MARCHF1: variants seen among roughly 807,000 people sequenced by gnomAD.
The protein encoded by MARCHF1 is membrane associated ring-CH-type finger 1, also known as E3 ubiquitin-protein ligase MARCHF1.
In MARCHF1, 40 loss-of-function variants were observed where a neutral mutation model predicts 54.2. The observed-to-expected ratio is 0.74, with a 90% CI of 0.57 to 0.96. The LOEUF is 0.96. MARCHF1 is among the 40% of genes least tolerant of loss of function. The pLI, the probability that MARCHF1 is intolerant of heterozygous loss-of-function variation, is 0.00. For synonymous variants in MARCHF1, 236 were observed against 236.3 expected, an observed-to-expected ratio of 1.00 and a Z score of 0.01; for missense variants, 586 against 656.5, an observed-to-expected ratio of 0.89 and a Z score of 1.17.
intron 1 of MARCHF1, among the ~76,000 whole-genome samples, chr4:164,260,584 G>A (rs1185937327): frequency 6.6e-6 from 1 of 152,064 alleles, no homozygotes; most frequent in African/African-American, 2.4e-5. Context: ...ACACACAGCT[G>A]AAGTCAGAAA....
intron 1 of MARCHF1, among the ~76,000 whole-genome samples, chr4:164,382,195 T>C (rs753220844): frequency 6.6e-6 from 1 of 152,170 alleles, no homozygotes; most frequent in Non-Finnish European, 1.5e-5. Flanking sequence ...CATTGATTAT[T>C]CCAATAATTT....
At chr4:163,835,833 T>A (rs1212454317) in intron 4 of MARCHF1, among the ~76,000 whole-genome samples, 1 of 151,950 alleles carries the variant, frequency 6.6e-6, no homozygotes, top group Admixed American at 6.6e-5. Context: ...TATAACCAGT[T>A]TATGCAGAGA....
intron 3 of MARCHF1, among the ~76,000 whole-genome samples, chr4:163,948,268 T>A (rs188712107): frequency 6.6e-5 from 10 of 152,352 alleles, no homozygotes; most frequent in Admixed American, 5.9e-4. Flanking sequence ...CTAGACTTTT[T>A]TCATATTAAG....
intron 1 of MARCHF1, among the ~76,000 whole-genome samples, chr4:164,206,975 A>G (rs1731624312): frequency 6.6e-6 from 1 of 152,186 alleles, no homozygotes; most frequent in Non-Finnish European, 1.5e-5. Flanking sequence ...TTTACCATAA[A>G]TACTAAATAA....
At chr4:163,909,041 A>T (rs1560815054) in intron 3 of MARCHF1, among the ~76,000 whole-genome samples, 1 of 152,076 alleles carries the variant, frequency 6.6e-6, no homozygotes, top group Non-Finnish European at 1.5e-5. Flanking sequence ...ACACAACTTC[A>T]TTTTTTTAAC....
At chr4:163,969,324 G>A (rs562100485) in intron 3 of MARCHF1, among the ~76,000 whole-genome samples, 1 of 152,258 alleles carries the variant, frequency 6.6e-6, no homozygotes, top group African/African-American at 2.4e-5. Context: ...TATGTTCCCT[G>A]TGGCATTTTC....
chr4:163,872,957 T>G (rs1472616573), intron 3 of MARCHF1, among the ~76,000 whole-genome samples: 2 of 151,798 alleles, frequency 1.3e-5, no homozygotes, highest in Admixed American at 1.3e-4. Flanking sequence ...GGCAGGAGAA[T>G]GGCGTGAACC....
chr4:163,918,939 G>A (rs1296149745), intron 3 of MARCHF1, among the ~76,000 whole-genome samples: 10 of 152,048 alleles, frequency 6.6e-5, no homozygotes, highest in African/African-American at 2.2e-4. Flanking sequence ...TCCTCCTGTC[G>A]CCTGAATATA....
chr4:163,697,144 G>A (rs564612865), intron 5 of MARCHF1, among the ~76,000 whole-genome samples: 308 of 152,276 alleles, frequency 2.0e-3, no homozygotes, highest in African/African-American at 6.9e-3. Context: ...ATATGAAGAA[G>A]TGTTGCCACC....
At chr4:164,062,446 T>C (rs1754639025) in intron 2 of MARCHF1, among the ~76,000 whole-genome samples, 1 of 152,176 alleles carries the variant, frequency 6.6e-6, no homozygotes, top group South Asian at 2.1e-4. Flanking sequence ...AGGTTTTCAA[T>C]TGACTTTGTC....
chr4:164,002,736 A>G (rs1157084048), intron 2 of MARCHF1, among the ~76,000 whole-genome samples: 2 of 151,916 alleles, frequency 1.3e-5, no homozygotes, highest in Non-Finnish European at 2.9e-5. Context: ...CTTAAGAAAC[A>G]TAAAGAAAAT....
chr4:164,108,320 T>C (rs1755752737), intron 2 of MARCHF1, among the ~76,000 whole-genome samples: 1 of 152,206 alleles, frequency 6.6e-6, no homozygotes, highest in Non-Finnish European at 1.5e-5. Context: ...TTATTCTATC[T>C]GTAATAACGA....
chr4:163,996,042 C>T (rs74939395), intron 2 of MARCHF1, among the ~76,000 whole-genome samples: 3,579 of 151,858 alleles, frequency 0.024, 126 homozygotes, highest in East Asian at 0.17. Flanking sequence ...TCTTTGGAAA[C>T]TATATTTTAC....
intron 1 of MARCHF1, among the ~76,000 whole-genome samples, chr4:164,122,110 C>T (rs191906808): frequency 3.6e-4 from 55 of 152,084 alleles, no homozygotes; most frequent in African/African-American, 1.3e-3. Context: ...CCATTTTAAT[C>T]AATGCTGAAA....
chr4:164,028,777 T>C (rs573634189), intron 2 of MARCHF1, among the ~76,000 whole-genome samples: 2 of 152,296 alleles, frequency 1.3e-5, no homozygotes, highest in African/African-American at 2.4e-5. Flanking sequence ...ACTGGCTACA[T>C]TTCAAGTACT....
At chr4:164,156,229 A>G (rs1016915917) in intron 1 of MARCHF1, among the ~76,000 whole-genome samples, 1 of 152,066 alleles carries the variant, frequency 6.6e-6, no homozygotes, top group Admixed American at 6.6e-5. Context: ...TCTCGCACAA[A>G]ACTATTGAAG....
chr4:163,726,003 G>A (rs184433791), intron 4 of MARCHF1, among the ~76,000 whole-genome samples: 4 of 151,430 alleles, frequency 2.6e-5, no homozygotes, highest in Admixed American at 6.6e-5. Context: ...TTTCTTTTTA[G>A]TCTTTTTAGA....
chr4:164,057,221 A>G (rs1754512915), intron 2 of MARCHF1, among the ~76,000 whole-genome samples: 1 of 152,198 alleles, frequency 6.6e-6, no homozygotes, highest in Admixed American at 6.5e-5. Flanking sequence ...TATAATAATC[A>G]TAACAAATAC....
intron 3 of MARCHF1, among the ~76,000 whole-genome samples, chr4:163,965,187 A>G (rs887413404): frequency 6.6e-6 from 1 of 152,020 alleles, no homozygotes; most frequent in Non-Finnish European, 1.5e-5. Flanking sequence ...CACTCCAGGT[A>G]CACACAAACT....
Sources: allele counts gnomAD v4.1 joint callset (sites outside exome capture counted in the v4.1 genomes callset), GRCh38; gene constraint gnomAD v4.1.1; transcripts MANE v1.5; gene names NCBI Gene and HGNC (gene_info 2026-07-23, HGNC 2026-07-21).